TRIM36: variants seen among roughly 807,000 people sequenced by gnomAD.
TRIM36 encodes the protein E3 ubiquitin-protein ligase TRIM36.
Under a neutral mutation model 72.4 loss-of-function variants are expected in TRIM36, and 42 were observed. The observed-to-expected ratio is 0.58, with a 90% CI of 0.45 to 0.75. The LOEUF is 0.75. Ranked by LOEUF, TRIM36 falls within the 30% of genes least tolerant of loss-of-function variation. TRIM36 has a pLI of 0.00. For missense variants in TRIM36, 913 were observed against 857.1 expected, an observed-to-expected ratio of 1.07 and a Z score of -0.81; for synonymous variants, 315 against 282.8, an observed-to-expected ratio of 1.11 and a Z score of -1.14.
intron 7 of TRIM36, among the ~76,000 whole-genome samples, chr5:115,136,686 A>C (rs1752981933): frequency 6.6e-6 from 1 of 152,254 alleles, no homozygotes; most frequent in Non-Finnish European, 1.5e-5. Flanking sequence ...AACAGTTAAA[A>C]TATTGCTTTA....
In TRIM36 at chr5:115,126,261, T is replaced by A; in HGVS notation, c.*242A>T. The A allele has an allele frequency of 4.4e-6, 2 of 454,382 alleles. No homozygotes were observed. Among genetic ancestry groups the A allele is most frequent in the Non-Finnish European group, 3.9e-6 (1 of 256,748 alleles). 28.1% of individuals were successfully genotyped at this position (454,382 alleles called of 1,614,324 possible). ...GTACATAAAGTAAAAGACAGTCCAG[T>A]TGCAAAGTTAACCACTTCAGTATTA... On this transcript the variant is annotated 3_prime_UTR_variant, in exon 10 of 10. Transcript: ENST00000513154.
At chr5:115,128,095 G>GGGT (rs1561416667) in intron 9 of TRIM36, among the ~76,000 whole-genome samples, 2 of 149,212 alleles carry the variant, frequency 1.3e-5, no homozygotes, top group Non-Finnish European at 3.0e-5. Flanking sequence ...AAATTGGGGG[G>GGGT]GGCCAGGAGT....
At chr5:115,174,415 C>T (rs932697656), upstream of TRIM36, 1 of 152,192 alleles carries the variant, frequency 6.6e-6, no homozygotes, top group Non-Finnish European at 1.5e-5. Context: ...AAGTAAATTA[C>T]AGGGTTTTCC....
At chr5:115,144,842 T>G (rs1753492301) in intron 3 of TRIM36, 98 bp from the exon 4 acceptor site, 2 of 1,324,704 alleles carry the variant, frequency 1.5e-6, no homozygotes, top group Non-Finnish European at 2.1e-6. Flanking sequence ...AATCACTAAA[T>G]AAAGCCATTT....
At chr5:115,145,491 T>C (rs1304146086) in intron 3 of TRIM36, among the ~76,000 whole-genome samples, 1 of 152,222 alleles carries the variant, frequency 6.6e-6, no homozygotes, top group Non-Finnish European at 1.5e-5. Context: ...TAAGCAATTG[T>C]AACTTGTCTG....
At chr5:115,175,274 A>G (rs1755282569) in intron 1 of TRIM36, among the ~76,000 whole-genome samples, 2 of 152,164 alleles carry the variant, frequency 1.3e-5, no homozygotes, top group African/African-American at 4.8e-5. Context: ...TCAAGGCCCA[A>G]CCCTGTTGTC....
At chr5:115,131,014 C>T in intron 8 of TRIM36, 125 bp from the exon 9 acceptor site, 4 of 1,072,138 alleles carry the variant, frequency 3.7e-6, no homozygotes, top group Non-Finnish European at 5.2e-6. Context: ...TGTCACACTA[C>T]CCCGGACAAC....
intron 4 of TRIM36, among the ~76,000 whole-genome samples, chr5:115,143,610 C>T (rs1461971729): frequency 6.6e-6 from 1 of 151,730 alleles, no homozygotes; most frequent in Non-Finnish European, 1.5e-5. Context: ...TAGAGCACAA[C>T]ATAAATATAA....
At chr5:115,159,239 T>C (rs1240942714) in intron 2 of TRIM36, among the ~76,000 whole-genome samples, 1 of 152,150 alleles carries the variant, frequency 6.6e-6, no homozygotes, top group African/African-American at 2.4e-5. Flanking sequence ...AGAAAAATAA[T>C]CAATACCTTT....
At chr5:115,132,654 T>A (rs1752755565) in intron 8 of TRIM36, among the ~76,000 whole-genome samples, 1 of 152,098 alleles carries the variant, frequency 6.6e-6, no homozygotes, top group Non-Finnish European at 1.5e-5. Flanking sequence ...TGATTATTTG[T>A]GCTTGCTCTC....
At chr5:115,133,753 A>G (rs921541816) in intron 8 of TRIM36, 107 bp downstream of exon 8, 5 of 1,142,722 alleles carry the variant, frequency 4.4e-6, no homozygotes, top group Non-Finnish European at 5.9e-6. Context: ...TTTTAAAAAC[A>G]AGAGCTGGTT....
intron 2 of TRIM36, 67 bp downstream of exon 2, chr5:115,163,451 T>C: frequency 7.4e-7 from 1 of 1,351,742 alleles, no homozygotes; most frequent in Non-Finnish European, 1.0e-6. Context: ...TTCCTTCCAG[T>C]TACCACTGAA....
chr5:115,137,683 A>G, intron 5 of TRIM36, 67 bp from the exon 6 acceptor site: 1 of 1,467,984 alleles, frequency 6.8e-7, no homozygotes, highest in South Asian at 1.5e-5. Flanking sequence ...GCTAAACCCA[A>G]ATGGCTTTCC....
intron 2 of TRIM36, chr5:115,153,832 C>A (rs1051469815): frequency 1.3e-5 from 2 of 152,188 alleles, no homozygotes; most frequent in African/African-American, 2.4e-5. Context: ...ACAAATGGAC[C>A]TAACAGTTAC....
chr5:115,130,932 T>C (rs765984964), intron 8 of TRIM36, 43 bp from the exon 9 acceptor site: 12 of 1,554,382 alleles, frequency 7.7e-6, no homozygotes, highest in Non-Finnish European at 1.0e-5. Context: ...AAATTATCAT[T>C]GCTCTAGTTT....
At chr5:115,159,109 A>G (rs1754340458) in intron 2 of TRIM36, among the ~76,000 whole-genome samples, 1 of 152,210 alleles carries the variant, frequency 6.6e-6, no homozygotes, top group Non-Finnish European at 1.5e-5. Flanking sequence ...CTAATAAAGG[A>G]GTGTACATTT....
At chr5:115,159,449 C>T (rs1222713164) in intron 2 of TRIM36, among the ~76,000 whole-genome samples, 1 of 152,136 alleles carries the variant, frequency 6.6e-6, no homozygotes, top group Non-Finnish European at 1.5e-5. Context: ...TCAGTGTTTT[C>T]TTTTAAAAAC....
At chr5:115,156,637 G>A (rs532934887) in intron 2 of TRIM36, among the ~76,000 whole-genome samples, 9 of 152,218 alleles carry the variant, frequency 5.9e-5, no homozygotes, top group East Asian at 5.8e-4. Flanking sequence ...AAACTGGATC[G>A]TCATCTCTCA....
chr5:115,128,094 G>GGC (rs555613098), intron 9 of TRIM36, among the ~76,000 whole-genome samples: 2 of 149,998 alleles, frequency 1.3e-5, no homozygotes, highest in Non-Finnish European at 3.0e-5. Flanking sequence ...AAAATTGGGG[G>GGC]GGGCCAGGAG....
Sources: gnomAD v4.1 joint callset for allele counts (sites outside exome capture counted in the v4.1 genomes callset) on GRCh38, gnomAD v4.1.1 for gene constraint, MANE v1.5 for transcripts, NCBI Gene and HGNC (gene_info 2026-07-23, HGNC 2026-07-21) for gene names.